GRID2: variants seen among roughly 807,000 people sequenced by gnomAD.
GRID2 encodes the protein glutamate receptor ionotropic, delta-2.
Under a neutral mutation model 114.8 loss-of-function variants are expected in GRID2, and 33 were observed. The ratio of observed to expected loss-of-function variants is 0.29; its 90% confidence interval spans 0.22 to 0.38. GRID2 has a LOEUF of 0.38. Ranked by LOEUF, GRID2 falls within the 10% of genes least tolerant of loss-of-function variation. The pLI is 1.00. For missense variants in GRID2, 1,184 were observed against 1,257.7 expected, an observed-to-expected ratio of 0.94 and a Z score of 0.89; for synonymous variants, 505 against 449.9, an observed-to-expected ratio of 1.12 and a Z score of -1.55.
At chr4:92,878,252 G>T (rs1745770612) in intron 2 of GRID2, among the ~76,000 whole-genome samples, 2 of 152,110 alleles carry the variant, frequency 1.3e-5, no homozygotes, top group African/African-American at 2.4e-5. Flanking sequence ...TTATTATTCA[G>T]TGTAGGAGGC....
intron 1 of GRID2, among the ~76,000 whole-genome samples, chr4:92,518,144 A>T (rs1328898483): frequency 6.7e-6 from 1 of 148,216 alleles, no homozygotes; most frequent in Non-Finnish European, 1.5e-5. Flanking sequence ...TTCTTCTCCT[A>T]CTCTTCATCC....
chr4:92,931,531 G>T (rs1467125947), intron 2 of GRID2, among the ~76,000 whole-genome samples: 1 of 150,536 alleles, frequency 6.6e-6, no homozygotes, highest in Non-Finnish European at 1.5e-5. Context: ...GATACATGAA[G>T]TAGAATGATA....
intron 2 of GRID2, among the ~76,000 whole-genome samples, chr4:93,022,556 T>C (rs1723479826): frequency 6.6e-6 from 1 of 151,972 alleles, no homozygotes; most frequent in Non-Finnish European, 1.5e-5. Flanking sequence ...AAATTCCTAG[T>C]TAAAGAAACT....
At chr4:92,334,902 T>C (rs1189925544) in intron 1 of GRID2, among the ~76,000 whole-genome samples, 2 of 152,258 alleles carry the variant, frequency 1.3e-5, no homozygotes, top group Non-Finnish European at 2.9e-5. Context: ...TTGATAGTAC[T>C]GTGAACCTCT....
At chr4:93,525,803 T>C (rs1338120981) in intron 13 of GRID2, among the ~76,000 whole-genome samples, 7 of 152,116 alleles carry the variant, frequency 4.6e-5, no homozygotes, top group Non-Finnish European at 1.0e-4. Flanking sequence ...CACAGCCTCA[T>C]ACCCAAGTGA....
intron 2 of GRID2, among the ~76,000 whole-genome samples, chr4:92,668,952 A>G (rs1732919096): frequency 6.6e-6 from 1 of 151,890 alleles, no homozygotes; most frequent in Non-Finnish European, 1.5e-5. Flanking sequence ...AGATTTTAGC[A>G]TGGTAGTATA....
At chr4:92,910,331 G>C (rs1260703832) in intron 2 of GRID2, among the ~76,000 whole-genome samples, 1 of 152,114 alleles carries the variant, frequency 6.6e-6, no homozygotes, top group Non-Finnish European at 1.5e-5. Context: ...GAGCAGATCT[G>C]AGGTGCCAAT....
chr4:92,823,041 T>C (rs1397800735), intron 2 of GRID2: 1 of 152,124 alleles, frequency 6.6e-6, no homozygotes, highest in African/African-American at 2.4e-5. Flanking sequence ...AGCAGGGAAA[T>C]TTTAATACAT....
intron 14 of GRID2, among the ~76,000 whole-genome samples, chr4:93,661,738 C>G (rs1361967311): frequency 9.2e-5 from 14 of 152,156 alleles, no homozygotes; most frequent in Admixed American, 8.5e-4. Flanking sequence ...TGGACTATCA[C>G]TACCATGAAT....
chr4:93,256,192 T>C (rs1749562816), intron 8 of GRID2, among the ~76,000 whole-genome samples: 1 of 152,064 alleles, frequency 6.6e-6, no homozygotes, highest in Non-Finnish European at 1.5e-5. Context: ...ATATTCCCGT[T>C]CATTTTTTCA....
intron 2 of GRID2, among the ~76,000 whole-genome samples, chr4:92,609,136 A>G (rs72661983): frequency 8.2e-4 from 124 of 151,896 alleles, no homozygotes; most frequent in Non-Finnish European, 1.3e-3. Flanking sequence ...TTCTTCACAC[A>G]CAGCTTGAAA....
chr4:93,483,504 CA>C (rs1225913720), intron 11 of GRID2, among the ~76,000 whole-genome samples: 3 of 151,820 alleles, frequency 2.0e-5, no homozygotes, highest in Non-Finnish European at 4.4e-5. Flanking sequence ...GACTCTTCAA[CA>C]ATTAATTGCT....
At chr4:92,322,321 T>A (rs1726355468) in intron 1 of GRID2, among the ~76,000 whole-genome samples, 1 of 152,106 alleles carries the variant, frequency 6.6e-6, no homozygotes, top group Admixed American at 6.6e-5. Flanking sequence ...GTGGCGACAC[T>A]CTTTTCTTAG....
intron 2 of GRID2, among the ~76,000 whole-genome samples, chr4:92,962,600 A>G (rs1451229898): frequency 6.6e-6 from 1 of 151,968 alleles, no homozygotes. Context: ...AGACATTGTG[A>G]AGAAGAAAAG....
intron 8 of GRID2, among the ~76,000 whole-genome samples, chr4:93,383,413 C>T (rs1764045040): frequency 6.6e-6 from 1 of 152,168 alleles, no homozygotes. Context: ...GTAGCTGCTA[C>T]TGTTTTAAGA....
intron 14 of GRID2, among the ~76,000 whole-genome samples, chr4:93,628,286 G>A (rs1356286209): frequency 2.0e-5 from 3 of 152,038 alleles, no homozygotes; most frequent in Non-Finnish European, 4.4e-5. Context: ...GGAGATATAA[G>A]ACCCATGCAC....
chr4:93,563,113 T>C (rs1015089605), intron 13 of GRID2, among the ~76,000 whole-genome samples: 40 of 152,040 alleles, frequency 2.6e-4, no homozygotes, highest in Admixed American at 1.2e-3. Context: ...ACTAGTGAAA[T>C]AAAATTTGGT....
At chr4:93,323,368 A>G (rs1336795215) in intron 8 of GRID2, among the ~76,000 whole-genome samples, 1 of 151,864 alleles carries the variant, frequency 6.6e-6, no homozygotes, top group Non-Finnish European at 1.5e-5. Flanking sequence ...GATGTGTGGT[A>G]TTATTTCTGA....
At chr4:93,151,001 C>T (rs1265087297) in intron 4 of GRID2, among the ~76,000 whole-genome samples, 2 of 151,184 alleles carry the variant, frequency 1.3e-5, no homozygotes, top group Non-Finnish European at 2.9e-5. Flanking sequence ...TGGTGGTGCA[C>T]ACCTGTAATC....
Sources: allele counts gnomAD v4.1 joint callset (sites outside exome capture counted in the v4.1 genomes callset), GRCh38; gene constraint gnomAD v4.1.1; transcripts MANE v1.5; gene names NCBI Gene and HGNC (gene_info 2026-07-23, HGNC 2026-07-21).